Variants in NBN observed in about 807,000 individuals in gnomAD.
The protein encoded by NBN is Nijmegen breakage syndrome 1 (nibrin).
A neutral mutation model predicts 90.8 loss-of-function variants in NBN; 88 were observed. That is an observed-to-expected ratio of 0.97 (90% CI 0.82 to 1.16). The LOEUF (loss-of-function observed/expected upper bound fraction) is 1.16, where lower values mean the gene tolerates loss of function less well. NBN is among the 50% of genes most tolerant of loss of function. The probability of loss-of-function intolerance (pLI) is 0.00; values close to 1 mark genes in which losing one functional copy is unlikely to be tolerated. For missense variants in NBN, 894 were observed against 869.6 expected (o/e 1.03, Z -0.35); for synonymous variants, 328 against 295.1 (o/e 1.11, Z -1.14).
At chr8:89,939,110 TGAAA>T (rs1429981778) in intron 14 of NBN, among the ~76,000 whole-genome samples, 1 of 152,068 alleles carries the variant, frequency 6.6e-6, no homozygotes, top group Non-Finnish European at 1.5e-5. Context: ...ATGTACACAA[TGAAA>T]ATATCCTAAA....
At position 89,953,702 on chromosome 8, in the gene NBN, A is replaced by G. The variant is rs770916546; in HGVS notation, c.1398-11T>C. The G allele has an allele frequency of 6.3e-7, 1 of 1,594,956 alleles. No individual in the cohort carries two copies. Among genetic ancestry groups the G allele is most frequent in the South Asian group, 1.1e-5 (1 of 89,394 alleles). ...TCTTCATCCCTTTCCCTTAGATTTA[A>G]AAAAAAAGAAGAAAACAAAACAAGA... On this transcript the variant is annotated splice_polypyrimidine_tract_variant and intron_variant, in intron 10 of 15. Transcript: ENST00000265433.
intron 13 of NBN, among the ~76,000 whole-genome samples, chr8:89,944,503 T>A (rs1166364497): frequency 6.6e-6 from 1 of 152,128 alleles, no homozygotes; most frequent in African/African-American, 2.4e-5. Context: ...CCCTCTGCAT[T>A]CTTCTGCAGT....
At chr8:89,975,894 T>G (rs1028174854) in intron 5 of NBN, among the ~76,000 whole-genome samples, 2 of 152,260 alleles carry the variant, frequency 1.3e-5, no homozygotes, top group Non-Finnish European at 2.9e-5. Context: ...ACAAGATTTA[T>G]GTACTTCCTC....
Position 89,971,371 on chromosome 8 carries a change from C to T in NBN, c.585-81G>A, listed in dbSNP as rs1805828. 5.6e-3 allele frequency: 8,122 copies of T among 1,451,418 alleles called. 329 individuals carry two copies. In the African/African-American group the frequency reaches 0.096, roughly 17 times the overall value. 89.9% of individuals were successfully genotyped at this position (1,451,418 alleles called of 1,614,324 possible). ...TTGTAAACGGAGTGACTATCTGACA[C>T]TCAAAAGGCATAATTTCCATAATAC... On this transcript the variant is annotated intron_variant, in intron 5 of 15. Transcript: ENST00000265433.
intron 11 of NBN, among the ~76,000 whole-genome samples, chr8:89,950,721 C>A (rs760773175): frequency 6.8e-6 from 1 of 147,924 alleles, no homozygotes; most frequent in Non-Finnish European, 1.5e-5. Context: ...CGTTATACCT[C>A]ATATAAACCT....
intron 11 of NBN, among the ~76,000 whole-genome samples, chr8:89,951,768 A>C (rs1010368262): frequency 2.6e-5 from 4 of 151,532 alleles, no homozygotes; most frequent in African/African-American, 9.7e-5. Flanking sequence ...TAAAAAAAAA[A>C]CCTCTGTCTC....
chr8:89,951,058 T>A (rs1176083642), intron 11 of NBN, among the ~76,000 whole-genome samples: 1 of 151,596 alleles, frequency 6.6e-6, no homozygotes, highest in Non-Finnish European at 1.5e-5. Context: ...TTAAAAAAAA[T>A]TAAAGTCACT....
At chr8:89,942,312 T>C (rs1809986642) in intron 14 of NBN, among the ~76,000 whole-genome samples, 1 of 152,148 alleles carries the variant, frequency 6.6e-6, no homozygotes, top group South Asian at 2.1e-4. Context: ...GTCTGGGTGA[T>C]TCAAAGAATC....
chr8:89,980,718 A>C lies in NBN; in HGVS notation c.480+16T>G, dbSNP rs1300686261. 6.3e-7 allele frequency: 1 copy of C among 1,598,500 alleles called. No individual in the cohort carries two copies. The highest frequency in any genetic ancestry group is 1.3e-5 in the African/African-American group (1 of 74,574). ...AATAACTTATTTTTAACATAAGAAC[A>C]AGACATTCAACCTACTTTAATGGTA... On this transcript the variant is annotated intron_variant, in intron 4 of 15. Transcript: ENST00000265433.
chr8:89,954,550 A>G (rs1810607687), intron 10 of NBN, among the ~76,000 whole-genome samples: 1 of 152,094 alleles, frequency 6.6e-6, no homozygotes, highest in Admixed American at 6.6e-5. Context: ...AAAAAAAACA[A>G]AACCACATTT....
intron 5 of NBN, among the ~76,000 whole-genome samples, chr8:89,975,529 T>C (rs957430040): frequency 6.6e-6 from 1 of 152,208 alleles, no homozygotes; most frequent in African/African-American, 2.4e-5. Context: ...ATTTAAAAAT[T>C]GTATTATCAA....
intron 7 of NBN, among the ~76,000 whole-genome samples, chr8:89,966,279 T>C (rs1395198770): frequency 6.6e-6 from 1 of 152,202 alleles, no homozygotes; most frequent in South Asian, 2.1e-4. Flanking sequence ...AATGGAAACA[T>C]TCCTTATAGA....
At chr8:89,962,844 A>G (rs1447839395) in intron 8 of NBN, among the ~76,000 whole-genome samples, 2 of 152,176 alleles carry the variant, frequency 1.3e-5, no homozygotes, top group African/African-American at 2.4e-5. Flanking sequence ...ATGCTTTTGC[A>G]TCAGCTCCCA....
At chr8:89,952,363 C>G (rs7823987) in intron 11 of NBN, among the ~76,000 whole-genome samples, 3,411 of 152,268 alleles carry the variant, frequency 0.022, 125 homozygotes, top group African/African-American at 0.077. Flanking sequence ...TCCAATGCAG[C>G]TGGTCCACAG....
At chr8:89,940,317 G>T (rs1186306975) in intron 14 of NBN, among the ~76,000 whole-genome samples, 10 of 151,958 alleles carry the variant, frequency 6.6e-5, no homozygotes, top group Non-Finnish European at 1.5e-4. Flanking sequence ...TAGAGACAGG[G>T]TCTCAAGATG....
rs1238607391 is a variant in NBN at position 89,935,234 on chromosome 8, C to T, written c.*348G>A. The T allele has an allele frequency of 3.5e-6, 1 of 284,394 alleles. No individual in the cohort carries two copies. Among genetic ancestry groups the T allele is most frequent in the Admixed American group, 4.8e-5 (1 of 20,990 alleles). 17.6% of individuals were successfully genotyped at this position (284,394 alleles called of 1,614,324 possible). On this transcript the variant is annotated 3_prime_UTR_variant, in exon 16 of 16. Transcript: ENST00000265433. ...GGAAAGATTCATAAGAAATGAGTAT[C>T]ATGAATTTTTTTCTGAGGGGAACCA...
At chr8:89,952,774 G>A (rs575111366) in intron 11 of NBN, among the ~76,000 whole-genome samples, 8 of 152,178 alleles carry the variant, frequency 5.3e-5, no homozygotes, top group African/African-American at 1.9e-4. Context: ...ATAATCTCAG[G>A]TGTTTTCATA....
At chr8:89,940,941 C>G (rs1209836337) in intron 14 of NBN, among the ~76,000 whole-genome samples, 2 of 152,046 alleles carry the variant, frequency 1.3e-5, no homozygotes, top group Admixed American at 1.3e-4. Flanking sequence ...TCATTCTGCA[C>G]AGATGGAAGC....
intron 1 of NBN, chr8:89,984,278 G>A (rs1170192708): frequency 5.1e-6 from 3 of 592,004 alleles, no homozygotes; most frequent in South Asian, 2.0e-5. Flanking sequence ...AGTCAGGGGA[G>A]GGGCGCGGAG....
Sources: gnomAD v4.1 joint callset for allele counts (sites outside exome capture counted in the v4.1 genomes callset) on GRCh38, gnomAD v4.1.1 for gene constraint, MANE v1.5 for transcripts, NCBI Gene and HGNC (gene_info 2026-07-23, HGNC 2026-07-21) for gene names.